The following PTCH1 variants were observed in gnomAD, a reference collection of about 807,000 sequenced individuals.
The protein encoded by PTCH1 is protein patched homolog 1.
Under a neutral mutation model 144.6 loss-of-function variants are expected in PTCH1, and 14 were observed. The observed-to-expected ratio is 0.10, with a 90% CI of 0.06 to 0.15. PTCH1 has a LOEUF of 0.15. Ranked by LOEUF, PTCH1 falls within the 10% of genes least tolerant of loss-of-function variation. The pLI is 1.00. For missense variants in PTCH1, 1,623 were observed against 1,948.3 expected (o/e 0.83, Z 3.14); for synonymous variants, 833 against 793.6 (o/e 1.05, Z -0.83).
chr9:95,480,277 A>G, intron 6 of PTCH1, 113 bp downstream of exon 6: 1 of 1,537,258 alleles, frequency 6.5e-7, no homozygotes, highest in South Asian at 1.2e-5. Flanking sequence ...ATAGACAAAG[A>G]CGATCATGGA....
chr9:95,486,011 C>T (rs963888244), intron 2 of PTCH1, 137 bp from the exon 3 acceptor site: 13 of 940,970 alleles, frequency 1.4e-5, no homozygotes, highest in Non-Finnish European at 2.0e-5. Context: ...TGAGCAGTAA[C>T]ATTCACTTTA....
intron 19 of PTCH1, among the ~76,000 whole-genome samples, chr9:95,454,028 T>C (rs1311383380): frequency 6.6e-6 from 1 of 152,164 alleles, no homozygotes; most frequent in Non-Finnish European, 1.5e-5. Flanking sequence ...TCCCAAGCAA[T>C]TGGGTGCTAC....
intron 3 of PTCH1, chr9:95,483,411 A>G (rs998448593): frequency 9.3e-5 from 11 of 118,058 alleles, no homozygotes; most frequent in South Asian, 2.4e-4. Flanking sequence ...CAAGGGAAGG[A>G]AAAAAAAAAA....
intron 12 of PTCH1, among the ~76,000 whole-genome samples, chr9:95,470,660 G>C (rs1840481885): frequency 6.6e-6 from 1 of 152,164 alleles, no homozygotes; most frequent in South Asian, 2.1e-4. Flanking sequence ...CTGTTAATAG[G>C]GGAAGCCAAC....
rs564060790 is a variant in PTCH1 at position 95,458,413 on chromosome 9, GAACA to G, written c.2888-124_2888-121del. 354 of 1,305,852 alleles carry G rather than the reference GAACA, an allele frequency of 2.7e-4. No homozygotes were observed. Among genetic ancestry groups the G allele is most frequent in the Non-Finnish European group, 3.7e-4 (342 of 928,010 alleles). The allele number at this position is 1,305,852 out of a possible 1,614,324, so 80.9% of individuals were successfully genotyped here. On this transcript the variant is annotated intron_variant, in intron 17 of 23. Transcript: ENST00000331920. This position sits in a 1 kb window ranked among gnomAD's most constrained non-coding sequence, Gnocchi z 4.7. The stretch of plus-strand genomic sequence containing the variant: ...TGACTGCTCTTCTACATGATACAAA[GAACA>G]AACAATGCTGATCATAGCCTCCAGG...
intron 1 of PTCH1, chr9:95,516,458 G>T (rs748188243): frequency 2.7e-6 from 4 of 1,465,452 alleles, no homozygotes; most frequent in Non-Finnish European, 3.6e-6. Context: ...CGCCGCGCTG[G>T]CTGCACTCAC....
Position 95,453,531 on chromosome 9 carries a change from G to A in PTCH1, c.3396C>T (p.Ser1132=), listed in dbSNP as rs1222078555. Residue 1132 remains serine (S), a synonymous_variant, in exon 20 of 24, where the codon TCC becomes TCT. Coordinates refer to ENST00000331920, the MANE Select transcript of PTCH1 (RefSeq NM_000264.5). ...CCAGCATCAGCACTCCCAGCAGAGT[G>A]GACACGGCGCCATCCAGGACGGGTG... ...MFAPVLDGAV[S]TLLGVLMLAG... 6.2e-7 allele frequency: 1 copy of A among 1,614,174 alleles called. No individual in the cohort carries two copies. Among genetic ancestry groups the A allele is most frequent in the East Asian group, 2.2e-5 (1 of 44,880 alleles).
In PTCH1 at chr9:95,446,910, C is replaced by T. The variant is rs769856624; in HGVS notation, c.*1+1G>A. Reference sequence around the variant, plus strand: ...TGGCTGCCCTTGTCAGTGGCACTCACCTCAGTTGGAGCTGCTTCCCCGGGG... The same window carrying T: ...TGGCTGCCCTTGTCAGTGGCACTCATCTCAGTTGGAGCTGCTTCCCCGGGG... On this transcript the variant is annotated splice_donor_variant, in intron 23 of 23. Transcript: ENST00000331920. LOFTEE classifies it low-confidence loss of function (3UTR_SPLICE). 3.1e-6 allele frequency: 5 copies of T among 1,613,900 alleles called. No individual in the cohort carries two copies. Among genetic ancestry groups the T allele is most frequent in the Non-Finnish European group, 4.2e-6 (5 of 1,180,038 alleles).
In PTCH1 at chr9:95,508,737, C is replaced by T. The variant is rs868787295; in HGVS notation, c.-376G>A. 53 of 986,072 alleles carry T rather than the reference C, an allele frequency of 5.4e-5. No homozygotes were observed. The African/African-American group carries it at 8.9e-4, about 17-fold the overall frequency. The allele number at this position is 986,072 out of a possible 1,614,324, so 61.1% of individuals were successfully genotyped here. On this transcript the variant is annotated 5_prime_UTR_variant, in exon 1 of 24. Coordinates refer to ENST00000331920, the MANE Select transcript of PTCH1 (RefSeq NM_000264.5). The stretch of plus-strand genomic sequence containing the variant: ...CCGCGGCACTCCTTGCGGTCCCCAA[C>T]TCCCCCTACCCGCCCCCCGCCCCGC...
intron 2 of PTCH1, 72 bp downstream of exon 2, chr9:95,506,335 C>A (rs887632455): frequency 6.6e-7 from 1 of 1,525,204 alleles, no homozygotes; most frequent in Non-Finnish European, 8.9e-7. Flanking sequence ...TAGGTGTGCG[C>A]TGGCGAATAT....
chr9:95,482,608 G>A (rs1030803243), intron 3 of PTCH1: 8 of 291,330 alleles, frequency 2.7e-5, no homozygotes, highest in African/African-American at 1.8e-4. Flanking sequence ...CTCAGGTGCG[G>A]AGATGTTTTA....
At position 95,483,264 on chromosome 9, in the gene PTCH1, C is replaced by CA. The variant is rs149950611; in HGVS notation, c.585-1062dup. The stretch of plus-strand genomic sequence containing the variant: ...CCTAGATAAGCAAGACCCTATCTCT[C>CA]AAAAAAAAAAGAATTAATCGGGAGT... On this transcript the variant is annotated intron_variant, in intron 3 of 23. Coordinates refer to ENST00000331920, the MANE Select transcript of PTCH1 (RefSeq NM_000264.5). 1,274 of 141,780 alleles carry CA rather than the reference C, an allele frequency of 9.0e-3. 13 individuals are homozygous for CA. The highest frequency in any genetic ancestry group is 0.028 in the African/African-American group (1,076 of 38,876). The allele number at this position is 141,780 out of a possible 1,614,324, so 8.8% of individuals were successfully genotyped here. A position where few individuals can be genotyped will look rare whatever the true frequency, so the allele number is the denominator to read the frequency against.
chr9:95,480,507 G>A lies in PTCH1; in HGVS notation c.828C>T (p.Asp276=), dbSNP rs763432270. 3 of 1,613,064 alleles carry A rather than the reference G, an allele frequency of 1.9e-6. No individual in the cohort carries two copies. Among genetic ancestry groups the A allele is most frequent in the African/African-American group, 2.7e-5 (2 of 74,624 alleles). The change falls in exon 6 of 24, where the codon GAC becomes GAT. Residue 276 remains aspartate, a synonymous_variant. Coordinates refer to ENST00000331920, the MANE Select transcript of PTCH1 (RefSeq NM_000264.5). ...CCTTATTCAGCATTTCCTCCCAGCTGTCCACTTGATAGTTTATTTTCTTTA... is the reference window on the plus strand; with the variant it reads ...CCTTATTCAGCATTTCCTCCCAGCTATCCACTTGATAGTTTATTTTCTTTA... The part of the protein sequence containing the change: ...EELKKINYQV[D]SWEEMLNKAE...
intron 3 of PTCH1, among the ~76,000 whole-genome samples, chr9:95,484,628 G>A (rs1230050049): frequency 6.6e-6 from 1 of 151,956 alleles, no homozygotes. Flanking sequence ...TCAGTGAAGA[G>A]GTGCTGAAAG....
intron 20 of PTCH1, chr9:95,452,422 T>C (rs1436143409): frequency 6.6e-6 from 1 of 152,202 alleles, no homozygotes; most frequent in Non-Finnish European, 1.5e-5. Flanking sequence ...TGCCCTGTCA[T>C]GGTTCTAATC....
upstream of PTCH1, among the ~76,000 whole-genome samples, chr9:95,510,012 A>C (rs537581023): frequency 5.3e-5 from 8 of 150,224 alleles, no homozygotes; most frequent in African/African-American, 7.3e-5. Flanking sequence ...TAAAAAAAAA[A>C]AAAACACAGT....
chr9:95,495,493 T>C (rs1842727587), intron 2 of PTCH1: 2 of 151,770 alleles, frequency 1.3e-5, no homozygotes, highest in Non-Finnish European at 1.5e-5. Context: ...GGAGTAAGTA[T>C]AGGTAGGCGA....
rs1060504540 is a variant in PTCH1 at position 95,478,079 on chromosome 9, G to A, written c.1323C>T (p.Arg441=). ...LKSFSDVSVI[R]VASGYLLMLA... is the part of the protein sequence containing the mutation. ...CCATGAGTAAGTAGCCGCTGGCCAC[G>A]CGGATGACACTGACGTCAGAGAAGG... Residue 441 remains arginine, a synonymous_variant, in exon 9 of 24, where the codon CGC becomes CGT. Coordinates refer to ENST00000331920, the MANE Select transcript of PTCH1 (RefSeq NM_000264.5). The A allele has an allele frequency of 5.6e-6, 9 of 1,614,162 alleles. No individual in the cohort carries two copies. The highest frequency in any genetic ancestry group is 1.1e-5 in the South Asian group (1 of 91,072).
Position 95,469,073 on chromosome 9 carries a change from G to A in PTCH1, c.1928C>T (p.Pro643Leu), listed in dbSNP as rs1165662230. The A allele has an allele frequency of 6.2e-7, 1 of 1,614,008 alleles. No homozygotes were observed. The highest frequency in any genetic ancestry group is 1.7e-5 in the Admixed American group (1 of 60,006). ...GGCAAAGCTGTGGCTGCTGTAGGGA[G>A]GTGGGGGGCTGTAGCGGGTATTGTC... Reference protein sequence around the residue: ...THDNTRYSPPPPYSSHSFAHE... With the variant: ...THDNTRYSPPLPYSSHSFAHE... The change falls in exon 14 of 24, where the codon CCT becomes CTT. Residue 643 changes from proline to leucine, a missense_variant. Pro to Leu is a moderately conservative substitution (Grantham distance 98). This residue lies in a region of PTCH1 where 179 missense variants were observed against 165.7 expected (regional missense o/e 1.08). Coordinates refer to ENST00000331920, the MANE Select transcript of PTCH1 (RefSeq NM_000264.5).
Sources: allele counts gnomAD v4.1 joint callset (sites outside exome capture counted in the v4.1 genomes callset), GRCh38; gene constraint gnomAD v4.1.1; regional missense constraint gnomAD v4.1.1; non-coding constraint Gnocchi (gnomAD v3.1); transcripts MANE v1.5; gene names NCBI Gene and HGNC (gene_info 2026-07-23, HGNC 2026-07-21).